Variants in TNR observed in about 807,000 individuals in gnomAD.
TNR encodes the protein tenascin-R.
In TNR, 45 loss-of-function variants were observed where a neutral mutation model predicts 150.4. The ratio of observed to expected loss-of-function variants is 0.30; its 90% CI spans 0.24 to 0.38. The LOEUF is 0.38. TNR is among the 10% of genes least tolerant of loss of function. TNR has a pLI of 1.00. For missense variants in TNR, 1,544 were observed against 1,759.1 expected (o/e 0.88, Z 2.19); for synonymous variants, 687 against 678.4 (o/e 1.01, Z -0.20).
intron 2 of TNR, among the ~76,000 whole-genome samples, chr1:175,410,541 G>C (rs993710663): frequency 6.6e-6 from 1 of 152,164 alleles, no homozygotes; most frequent in Non-Finnish European, 1.5e-5. Context: ...AAAGTGGGTG[G>C]GGTGGCCATC....
chr1:175,637,980 A>G lies in TNR; in HGVS notation c.-165+105246T>C, dbSNP rs567628686. ...TTCTCCCCACCCCCATCTCCAGTGA[A>G]TTTTAGAAAAGACTCATGGATTTCC... On this transcript the variant is annotated intron_variant, in intron 1 of 22. Coordinates refer to ENST00000367674, the MANE Select transcript of TNR (RefSeq NM_003285.3). Among the ~76,000 whole-genome samples the G allele has an allele frequency of 4.6e-5, 7 of 152,242 alleles. No homozygotes were observed. The East Asian group carries it at 1.4e-3, about 29-fold the overall frequency.
intron 8 of TNR, among the ~76,000 whole-genome samples, chr1:175,380,485 G>A (rs958525669): frequency 2.0e-5 from 3 of 151,836 alleles, no homozygotes; most frequent in Admixed American, 6.6e-5. Context: ...GCAGGAGAAT[G>A]GTGTGAACCC....
chr1:175,458,342 A>AAT (rs1314455720), intron 2 of TNR, among the ~76,000 whole-genome samples: 2 of 152,300 alleles, frequency 1.3e-5, no homozygotes, highest in East Asian at 3.9e-4. Context: ...TCATTTGTTC[A>AAT]ATATATATAT....
intron 1 of TNR, among the ~76,000 whole-genome samples, chr1:175,631,270 G>C (rs1664317391): frequency 6.6e-6 from 1 of 152,162 alleles, no homozygotes; most frequent in South Asian, 2.1e-4. Context: ...AAGAAAACTA[G>C]AAACAATTGA....
At position 175,590,512 on chromosome 1, in the gene TNR, T is replaced by G. The variant is rs574300480; in HGVS notation, c.-164-62143A>C. The stretch of plus-strand genomic sequence containing the variant: ...GGATACAAAAAGTAAATACAACATG[T>G]CTATTCTCAAGGAGTTCTCAGCCTG... On this transcript the variant is annotated intron_variant, in intron 1 of 22. Coordinates refer to ENST00000367674, the MANE Select transcript of TNR (RefSeq NM_003285.3). 5.9e-5 allele frequency among the ~76,000 whole-genome samples: 9 copies of G among 152,346 alleles called. No homozygotes were observed. In the South Asian group the frequency reaches 1.9e-3, roughly 32 times the overall value.
intron 1 of TNR, among the ~76,000 whole-genome samples, chr1:175,624,887 TG>T (rs1441004338): frequency 4.6e-5 from 7 of 152,092 alleles, no homozygotes; most frequent in Admixed American, 1.3e-4. Context: ...CACTAGAGGA[TG>T]GGGCCCCCTT....
Position 175,574,196 on chromosome 1 carries a change from A to T in TNR, c.-164-45827T>A, listed in dbSNP as rs145201023. ...CCATGACAAGGACCTTCAGGCCATT[A>T]CCATGGCCTTAAATGATGACCAATC... On this transcript the variant is annotated intron_variant, in intron 1 of 22. Coordinates refer to ENST00000367674, the MANE Select transcript of TNR (RefSeq NM_003285.3). Among the ~76,000 whole-genome samples, 261 of 152,244 alleles carry T rather than the reference A, an allele frequency of 1.7e-3. 4 individuals are homozygous for T. The East Asian group carries it at 0.042, about 25-fold the overall frequency.
At chr1:175,382,668 G>A (rs867950251) in intron 8 of TNR, among the ~76,000 whole-genome samples, 8 of 152,294 alleles carry the variant, frequency 5.3e-5, no homozygotes, top group Non-Finnish European at 1.2e-4. Context: ...CAGGGAGGCC[G>A]AGGCGGGCAG....
At chr1:175,711,900 G>A (rs1384274095) in intron 1 of TNR, among the ~76,000 whole-genome samples, 1 of 152,218 alleles carries the variant, frequency 6.6e-6, no homozygotes, top group African/African-American at 2.4e-5. Context: ...TTTTGAACTT[G>A]CTAAATGTGT....
intron 1 of TNR, among the ~76,000 whole-genome samples, chr1:175,718,727 A>G (rs1326321321): frequency 1.3e-5 from 2 of 152,214 alleles, no homozygotes; most frequent in African/African-American, 4.8e-5. Context: ...GGCTTGGGAG[A>G]TCTGTCACAT....
At chr1:175,324,168 C>A (rs888761529) in intron 22 of TNR, among the ~76,000 whole-genome samples, 188 bp downstream of exon 22, 1 of 152,196 alleles carries the variant, frequency 6.6e-6, no homozygotes, top group Non-Finnish European at 1.5e-5. Flanking sequence ...TGGGTCCTTT[C>A]CTTTCCTTCC....
At chr1:175,736,954 G>C (rs561150379) in intron 1 of TNR, among the ~76,000 whole-genome samples, 13 of 152,260 alleles carry the variant, frequency 8.5e-5, no homozygotes, top group Admixed American at 7.2e-4. Flanking sequence ...CCAGGAGGTA[G>C]AGTCTATGGT....
At chr1:175,639,305 C>T (rs1664580798) in intron 1 of TNR, among the ~76,000 whole-genome samples, 1 of 152,158 alleles carries the variant, frequency 6.6e-6, no homozygotes, top group Non-Finnish European at 1.5e-5. Flanking sequence ...CATGTAGTTC[C>T]AGGACTCTTT....
In TNR at chr1:175,553,298, C is replaced by T. The variant is rs77609031; in HGVS notation, c.-164-24929G>A. ...GAAAGGCTCATGTGTGAGCCACCAA[C>T]ACTTTTTCCACCCTCAGACTCCTTG... On this transcript the variant is annotated intron_variant, in intron 1 of 22. Coordinates refer to ENST00000367674, the MANE Select transcript of TNR (RefSeq NM_003285.3). Among the ~76,000 whole-genome samples, 11 of 152,286 alleles carry T rather than the reference C, an allele frequency of 7.2e-5. No homozygotes were observed. In the South Asian group the frequency reaches 8.3e-4, roughly 11 times the overall value.
chr1:175,427,700 T>TCCTC (rs1399606428), intron 2 of TNR, among the ~76,000 whole-genome samples: 1 of 134,054 alleles, frequency 7.5e-6, no homozygotes, highest in Non-Finnish European at 1.6e-5. Flanking sequence ...CTTCCTTCCT[T>TCCTC]CCTTCCCTTC....
At chr1:175,458,718 A>G (rs1354500411) in intron 2 of TNR, among the ~76,000 whole-genome samples, 1 of 152,250 alleles carries the variant, frequency 6.6e-6, no homozygotes, top group Non-Finnish European at 1.5e-5. Context: ...AGGAATTCAG[A>G]TAAACAGTTT....
intron 1 of TNR, among the ~76,000 whole-genome samples, chr1:175,726,020 T>C (rs1022332765): frequency 2.0e-5 from 3 of 152,036 alleles, no homozygotes; most frequent in African/African-American, 4.8e-5. Flanking sequence ...GAACTTAGAG[T>C]GTTTAGGAGC....
At chr1:175,695,233 T>G (rs1666479299) in intron 1 of TNR, among the ~76,000 whole-genome samples, 3 of 152,310 alleles carry the variant, frequency 2.0e-5, no homozygotes, top group Non-Finnish European at 1.5e-5. Context: ...TCATGAGGAC[T>G]CTCAAGGGGC....
chr1:175,410,240 T>G (rs890384912), intron 2 of TNR, among the ~76,000 whole-genome samples: 1 of 152,080 alleles, frequency 6.6e-6, no homozygotes, highest in African/African-American at 2.4e-5. Context: ...GGAGATAAGG[T>G]CAGAGAAGTA....
Sources: gnomAD v4.1 joint callset for allele counts (sites outside exome capture counted in the v4.1 genomes callset) on GRCh38, gnomAD v4.1.1 for gene constraint, MANE v1.5 for transcripts, NCBI Gene and HGNC (gene_info 2026-07-23, HGNC 2026-07-21) for gene names.